PARD3B: variants seen among roughly 807,000 people sequenced by gnomAD.
The protein encoded by PARD3B is partitioning defective 3 homolog B.
In PARD3B, 103 loss-of-function variants were observed where a neutral mutation model predicts 130.2. That is an observed-to-expected ratio of 0.79 (90% CI 0.67 to 0.93). The LOEUF (loss-of-function observed/expected upper bound fraction) is 0.93, where lower values mean the gene tolerates loss of function less well. Ranked by LOEUF, PARD3B falls within the 40% of genes least tolerant of loss-of-function variation. The pLI is 0.00. For missense variants in PARD3B, 1,609 were observed against 1,499.2 expected, an observed-to-expected ratio of 1.07 and a Z score of -1.21; for synonymous variants, 583 against 553.2, an observed-to-expected ratio of 1.05 and a Z score of -0.76.
chr2:205,179,991 C>A (rs1362046625), intron 13 of PARD3B, among the ~76,000 whole-genome samples: 2 of 152,002 alleles, frequency 1.3e-5, no homozygotes, highest in African/African-American at 4.8e-5. Context: ...TGGCCTCAGA[C>A]AACCACTGGG....
rs769888682 is a variant in PARD3B, at chr2:205,592,542, A to T, written c.3261-22914A>T. ...TCACAGAGCTCACAGTTCGTTGGAG[A>T]CACCAGAAAACAGGTGATTAAATAC... On this transcript the variant is annotated intron_variant, in intron 22 of 22. Coordinates refer to ENST00000406610, the MANE Select transcript of PARD3B (RefSeq NM_001302769.2). The surrounding 1 kb of genome is among the most constrained non-coding windows in gnomAD (Gnocchi z 4.5). Among the ~76,000 whole-genome samples, 2 of 152,210 alleles carry T rather than the reference A, an allele frequency of 1.3e-5. No individual in the cohort carries two copies. The highest frequency in any genetic ancestry group is 2.4e-5 in the African/African-American group (1 of 41,454).
At chr2:205,403,158 T>G (rs2046310627) in intron 19 of PARD3B, among the ~76,000 whole-genome samples, 2 of 152,220 alleles carry the variant, frequency 1.3e-5, no homozygotes, top group African/African-American at 4.8e-5. Context: ...TCCTAATATG[T>G]TTGAAATTTG....
chr2:204,853,089 T>C (rs539679245), intron 2 of PARD3B, among the ~76,000 whole-genome samples: 179 of 152,334 alleles, frequency 1.2e-3, no homozygotes, highest in Non-Finnish European at 2.1e-3. Context: ...GCATTATTTT[T>C]AATATTCTAT....
chr2:205,581,104 A>C (rs1191883174), intron 22 of PARD3B, among the ~76,000 whole-genome samples: 1 of 151,946 alleles, frequency 6.6e-6, no homozygotes, highest in Admixed American at 6.6e-5. Flanking sequence ...AAAGAAAGGG[A>C]ATTGGTATAT....
Position 205,125,776 on chromosome 2 carries a change from C to A in PARD3B, c.1434+39C>A, listed in dbSNP as rs747069263. 44 of 1,609,424 alleles carry A rather than the reference C, an allele frequency of 2.7e-5. No homozygotes were observed. Among genetic ancestry groups the A allele is most frequent in the South Asian group, 2.5e-4 (23 of 90,520 alleles). On this transcript the variant is annotated intron_variant, in intron 10 of 22. Coordinates refer to ENST00000406610, the MANE Select transcript of PARD3B (RefSeq NM_001302769.2). This position sits in a 1 kb window ranked among gnomAD's most constrained non-coding sequence, Gnocchi z 4.0. ...CTCAGTCTCACTGAATTTTTAATGC[C>A]GAGCTTAATACACTCAATGAACTCA...
chr2:205,329,570 T>C (rs1456391812), intron 18 of PARD3B, among the ~76,000 whole-genome samples: 3 of 152,214 alleles, frequency 2.0e-5, no homozygotes, highest in African/African-American at 7.2e-5. Context: ...AAAGTAAGTG[T>C]AATGACAGAG....
intron 18 of PARD3B, among the ~76,000 whole-genome samples, chr2:205,329,821 T>C (rs2043051362): frequency 6.6e-6 from 1 of 151,422 alleles, no homozygotes; most frequent in South Asian, 2.1e-4. Context: ...CAAAACCCCA[T>C]CTCTACTAAA....
intron 4 of PARD3B, among the ~76,000 whole-genome samples, chr2:205,074,015 G>A (rs947147636): frequency 6.6e-6 from 1 of 152,120 alleles, no homozygotes; most frequent in East Asian, 1.9e-4. Flanking sequence ...TAGACAAATG[G>A]TAAGGCTGTT....
chr2:205,454,279 A>G (rs1011753265), intron 20 of PARD3B, among the ~76,000 whole-genome samples: 11 of 152,120 alleles, frequency 7.2e-5, no homozygotes, highest in African/African-American at 2.7e-4. Flanking sequence ...TGCCCTCCTT[A>G]TAATTTTTGT....
intron 3 of PARD3B, among the ~76,000 whole-genome samples, chr2:205,004,152 T>G (rs376633117): frequency 2.6e-5 from 4 of 152,200 alleles, no homozygotes; most frequent in African/African-American, 7.2e-5. Context: ...GGGGTATCAC[T>G]ATACTGCTTC....
Position 205,280,409 on chromosome 2 carries a change from C to T in PARD3B, c.2186-20121C>T, listed in dbSNP as rs1422819249. On this transcript the variant is annotated intron_variant, in intron 16 of 22. Transcript: ENST00000406610. The surrounding 1 kb of genome is among the most constrained non-coding windows in gnomAD (Gnocchi z 4.7). ...GGAATTCACGACTGTTCTTGGTTTT[C>T]AGACTTGTGACTTTGTTCATTAGAG... is the stretch of plus-strand genomic sequence containing the variant. Among the ~76,000 whole-genome samples the T allele has an allele frequency of 6.6e-6, 1 of 152,194 alleles. No homozygotes were observed. Among genetic ancestry groups the T allele is most frequent in the African/African-American group, 2.4e-5 (1 of 41,450 alleles).
In PARD3B at chr2:204,941,678, A is replaced by G. The variant is rs542151294; in HGVS notation, c.223-23474A>G. On this transcript the variant is annotated intron_variant, in intron 2 of 22. Coordinates refer to ENST00000406610, the MANE Select transcript of PARD3B (RefSeq NM_001302769.2). Reference sequence around the variant, plus strand: ...TAACCTTTGCTTCCATTTGAAGGAAATTTTCCAGACAGATATATTCTTACT... The same window carrying G: ...TAACCTTTGCTTCCATTTGAAGGAAGTTTTCCAGACAGATATATTCTTACT... 3.3e-5 allele frequency among the ~76,000 whole-genome samples: 5 copies of G among 152,234 alleles called. No homozygotes were observed. In the South Asian group the frequency reaches 1.0e-3, roughly 32 times the overall value.
At chr2:204,595,606 A>G (rs2033253344) in intron 1 of PARD3B, among the ~76,000 whole-genome samples, 1 of 152,242 alleles carries the variant, frequency 6.6e-6, no homozygotes, top group Admixed American at 6.5e-5. Flanking sequence ...GTTGCTTATT[A>G]AGAAGTGGGA....
At chr2:205,251,701 C>G (rs973615046) in intron 16 of PARD3B, among the ~76,000 whole-genome samples, 2 of 152,084 alleles carry the variant, frequency 1.3e-5, no homozygotes, top group Non-Finnish European at 2.9e-5. Flanking sequence ...TTTGCATCTT[C>G]TAATTGGATT....
intron 22 of PARD3B, among the ~76,000 whole-genome samples, chr2:205,599,183 A>G (rs1448103168): frequency 6.6e-6 from 1 of 152,230 alleles, no homozygotes; most frequent in Non-Finnish European, 1.5e-5. Flanking sequence ...CCAGAGGTTC[A>G]TGAATATGTT....
chr2:205,252,751 T>C (rs1450382442), intron 16 of PARD3B, among the ~76,000 whole-genome samples: 3 of 150,796 alleles, frequency 2.0e-5, no homozygotes, highest in Non-Finnish European at 4.4e-5. Flanking sequence ...TTTTATCCTG[T>C]AGGCTCAGAT....
intron 2 of PARD3B, among the ~76,000 whole-genome samples, chr2:204,730,003 ACACACAC>A (rs2039429753): frequency 1.9e-4 from 24 of 126,024 alleles, no homozygotes; most frequent in African/African-American, 9.8e-4. Context: ...ACACAAACAC[ACACACAC>A]ACACACACAC....
chr2:205,297,125 A>C (rs1004298731), intron 16 of PARD3B, among the ~76,000 whole-genome samples: 3 of 152,176 alleles, frequency 2.0e-5, no homozygotes, highest in African/African-American at 7.2e-5. Context: ...GCCACAACCA[A>C]TATCGCATCA....
At chr2:204,594,112 A>T (rs185163051) in intron 1 of PARD3B, among the ~76,000 whole-genome samples, 1 of 152,358 alleles carries the variant, frequency 6.6e-6, no homozygotes, top group East Asian at 1.9e-4. Flanking sequence ...GCAGTAAAGC[A>T]GATACTGGGT....
Sources: gnomAD v4.1 joint callset for allele counts (sites outside exome capture counted in the v4.1 genomes callset) on GRCh38, gnomAD v4.1.1 for gene constraint, Gnocchi (gnomAD v3.1) non-coding constraint, MANE v1.5 for transcripts, NCBI Gene and HGNC (gene_info 2026-07-23, HGNC 2026-07-21) for gene names.